Variants in TENM4 observed in about 807,000 individuals in gnomAD.
TENM4 encodes teneurin-4.
TENM4 carries 82 observed loss-of-function variants against 243.3 expected under a neutral mutation model. The ratio of observed to expected loss-of-function variants is 0.34; its 90% confidence interval spans 0.28 to 0.40. The LOEUF (loss-of-function observed/expected upper bound fraction) is 0.40, where lower values mean the gene tolerates loss of function less well. Ranked by LOEUF, TENM4 falls within the 10% of genes least tolerant of loss-of-function variation. TENM4 has a pLI of 1.00. For synonymous variants in TENM4, 1,412 were observed against 1,456.3 expected, an observed-to-expected ratio of 0.97 and a Z score of 0.69; for missense variants, 3,138 against 3,673.3, an observed-to-expected ratio of 0.85 and a Z score of 3.77.
chr11:78,934,834 A>G (rs1856747477), intron 6 of TENM4, among the ~76,000 whole-genome samples: 1 of 152,040 alleles, frequency 6.6e-6, no homozygotes, highest in Admixed American at 6.6e-5. Context: ...TCCTGGGAGG[A>G]AGAAACTAGA....
chr11:79,273,762 A>C (rs1378907146), intron 2 of TENM4, among the ~76,000 whole-genome samples: 4 of 152,122 alleles, frequency 2.6e-5, no homozygotes, highest in African/African-American at 9.7e-5. Flanking sequence ...GCATCCTGTA[A>C]ATGCGCTGTA....
intron 2 of TENM4, among the ~76,000 whole-genome samples, chr11:79,287,699 C>T (rs1261604327): frequency 6.6e-6 from 1 of 152,168 alleles, no homozygotes; most frequent in East Asian, 1.9e-4. Flanking sequence ...TGTCTAAGAT[C>T]ACATAGCAAA....
At chr11:79,166,531 T>C (rs962083937) in intron 3 of TENM4, among the ~76,000 whole-genome samples, 3 of 152,348 alleles carry the variant, frequency 2.0e-5, no homozygotes, top group East Asian at 1.9e-4. Context: ...TAAACACTTA[T>C]TGACTGCTTA....
At chr11:79,400,803 T>C (rs1232669961) in intron 1 of TENM4, among the ~76,000 whole-genome samples, 1 of 152,208 alleles carries the variant, frequency 6.6e-6, no homozygotes, top group Non-Finnish European at 1.5e-5. Flanking sequence ...GTTCCCTTGC[T>C]CTCCTCCTCC....
At chr11:78,803,094 G>T (rs1344833176) in intron 15 of TENM4, among the ~76,000 whole-genome samples, 31 of 150,682 alleles carry the variant, frequency 2.1e-4, no homozygotes. Context: ...ACAGTGGCAC[G>T]ATCTCAGCTC....
chr11:78,891,065 G>A (rs1855653360), intron 8 of TENM4, among the ~76,000 whole-genome samples, 173 bp downstream of exon 8: 1 of 152,202 alleles, frequency 6.6e-6, no homozygotes, highest in African/African-American at 2.4e-5. Context: ...ATATGCTGGG[G>A]GATAGGGTAT....
At chr11:78,690,134 C>T (rs1858783489) in intron 28 of TENM4, among the ~76,000 whole-genome samples, 1 of 152,166 alleles carries the variant, frequency 6.6e-6, no homozygotes, top group South Asian at 2.1e-4. Flanking sequence ...TCAGTCTGGC[C>T]TAGGGGAGGC....
At chr11:78,821,599 C>T (rs1226930034) in intron 12 of TENM4, among the ~76,000 whole-genome samples, 5 of 152,182 alleles carry the variant, frequency 3.3e-5, no homozygotes. Context: ...GTTTAAGACA[C>T]TGATGAGTTA....
intron 12 of TENM4, among the ~76,000 whole-genome samples, chr11:78,833,649 T>C (rs1280472124): frequency 6.6e-6 from 1 of 152,230 alleles, no homozygotes; most frequent in Non-Finnish European, 1.5e-5. Context: ...TATCACCTCC[T>C]TCTTTATTAA....
intron 1 of TENM4, among the ~76,000 whole-genome samples, chr11:79,428,106 C>A (rs542768873): frequency 1.3e-5 from 2 of 152,216 alleles, no homozygotes; most frequent in Non-Finnish European, 2.9e-5. Context: ...CTTAGACTGG[C>A]GGCATCAACA....
At chr11:79,300,064 A>C (rs2135397017) in intron 1 of TENM4, among the ~76,000 whole-genome samples, 1 of 152,320 alleles carries the variant, frequency 6.6e-6, no homozygotes, top group South Asian at 2.1e-4. Flanking sequence ...CTGAGTCAGA[A>C]TTAGTACCCC....
At chr11:78,696,049 A>T (rs573573931) in intron 28 of TENM4, among the ~76,000 whole-genome samples, 1 of 151,584 alleles carries the variant, frequency 6.6e-6, no homozygotes, top group African/African-American at 2.4e-5. Flanking sequence ...TGTCCCACAG[A>T]TCTTGAATGC....
intron 2 of TENM4, among the ~76,000 whole-genome samples, chr11:79,245,938 TAAAAAAA>T (rs1199883938): frequency 1.6e-3 from 104 of 64,894 alleles, no homozygotes; most frequent in African/African-American, 4.8e-3. Flanking sequence ...AGACTTTGTC[TAAAAAAA>T]AAAAAAAAAA....
intron 3 of TENM4, among the ~76,000 whole-genome samples, chr11:79,211,818 C>T (rs188438676): frequency 1.3e-5 from 2 of 152,170 alleles, no homozygotes; most frequent in South Asian, 2.1e-4. Flanking sequence ...TCTTCAATAA[C>T]GTTGAAGAGT....
chr11:79,012,824 C>T (rs114430795), intron 6 of TENM4, among the ~76,000 whole-genome samples: 28 of 152,232 alleles, frequency 1.8e-4, no homozygotes, highest in African/African-American at 6.0e-4. Context: ...CCTGGCAGCT[C>T]CATGGCACCA....
rs1453457047 is a variant in TENM4 at position 79,062,204 on chromosome 11, A to G, written c.493+2534T>C. On this transcript the variant is annotated intron_variant, in intron 6 of 33. Coordinates refer to ENST00000278550, the MANE Select transcript of TENM4 (RefSeq NM_001098816.3). ...CTTGGACTCTGGCCTCAAGCAATCC[A>G]TCCACCCCAGCCTCTGAAAGTGCTA... Among the ~76,000 whole-genome samples the G allele has an allele frequency of 2.1e-4, 32 of 152,118 alleles. 1 individual carries two copies. Among genetic ancestry groups the G allele is most frequent in the Admixed American group, 2.1e-3 (32 of 15,276 alleles).
At chr11:78,999,513 C>T (rs951605421) in intron 6 of TENM4, among the ~76,000 whole-genome samples, 12 of 151,898 alleles carry the variant, frequency 7.9e-5, no homozygotes, top group African/African-American at 2.7e-4. Flanking sequence ...GGGACTCCAT[C>T]TCAAAAAACA....
Position 79,329,788 on chromosome 11 carries a change from T to G in TENM4, c.-320-32245A>C, listed in dbSNP as rs180953047. ...TCAGAAGTTGGCAGGGCAGGTAGAG[T>G]AGGCTGTGCAGGTCTCAGCAAGGAG... On this transcript the variant is annotated intron_variant, in intron 1 of 33. Transcript: ENST00000278550. Among the ~76,000 whole-genome samples the G allele has an allele frequency of 2.4e-4, 36 of 151,964 alleles. 2 individuals carry two copies. The East Asian group carries it at 6.4e-3, about 27-fold the overall frequency.
At chr11:78,704,376 T>C (rs1387597778) in intron 27 of TENM4, among the ~76,000 whole-genome samples, 1 of 151,846 alleles carries the variant, frequency 6.6e-6, no homozygotes, top group Non-Finnish European at 1.5e-5. Context: ...TATACCATCG[T>C]CTATAAGAGT....
Sources: gnomAD v4.1 joint callset for allele counts (sites outside exome capture counted in the v4.1 genomes callset) on GRCh38, gnomAD v4.1.1 for gene constraint, MANE v1.5 for transcripts, NCBI Gene and HGNC (gene_info 2026-07-23, HGNC 2026-07-21) for gene names.